TAFA1: variants seen among roughly 807,000 people sequenced by gnomAD.
TAFA1 encodes chemokine-like protein TAFA-1.
Under a neutral mutation model 18.5 loss-of-function variants are expected in TAFA1, and 4 were observed. The ratio of observed to expected loss-of-function variants is 0.22; its 90% CI spans 0.11 to 0.49. TAFA1 has a LOEUF of 0.49. TAFA1 is among the 20% of genes least tolerant of loss of function. The pLI is 0.98. For missense variants in TAFA1, 147 were observed against 169.0 expected, an observed-to-expected ratio of 0.87 and a Z score of 0.72; for synonymous variants, 56 against 55.2, an observed-to-expected ratio of 1.01 and a Z score of -0.06.
intron 2 of TAFA1, among the ~76,000 whole-genome samples, chr3:68,402,910 G>A (rs751245764): frequency 7.9e-5 from 12 of 152,138 alleles, no homozygotes; most frequent in Non-Finnish European, 1.5e-4. Context: ...TACTGTTAAG[G>A]GTGGGAGGCA....
chr3:68,166,497 A>T (rs930705371), intron 2 of TAFA1, among the ~76,000 whole-genome samples: 1 of 152,056 alleles, frequency 6.6e-6, no homozygotes, highest in Non-Finnish European at 1.5e-5. Flanking sequence ...CCATTTTGAC[A>T]CCCCTAGAAA....
At chr3:68,245,570 T>C (rs956157120) in intron 2 of TAFA1, among the ~76,000 whole-genome samples, 1 of 152,212 alleles carries the variant, frequency 6.6e-6, no homozygotes. Context: ...CATATGTTCC[T>C]TGGAAGGGGA....
chr3:68,211,263 C>A (rs1457366657), intron 2 of TAFA1, among the ~76,000 whole-genome samples: 1 of 152,034 alleles, frequency 6.6e-6, no homozygotes, highest in Non-Finnish European at 1.5e-5. Flanking sequence ...TGGTGCCCAT[C>A]TTGGAGGCTC....
chr3:68,114,882 G>C (rs2065307218), intron 2 of TAFA1, among the ~76,000 whole-genome samples: 2 of 152,126 alleles, frequency 1.3e-5, no homozygotes, highest in African/African-American at 4.8e-5. Context: ...AAAAATTACA[G>C]TTAATTTTTC....
intron 3 of TAFA1, among the ~76,000 whole-genome samples, chr3:68,506,968 G>A (rs1269631977): frequency 1.3e-5 from 2 of 152,220 alleles, no homozygotes; most frequent in East Asian, 3.9e-4. Flanking sequence ...CGCAAAGCCT[G>A]TGATGCAGGA....
chr3:68,394,172 G>C (rs1051710832), intron 2 of TAFA1, among the ~76,000 whole-genome samples: 3 of 152,100 alleles, frequency 2.0e-5, no homozygotes, highest in African/African-American at 7.2e-5. Context: ...GACAAACAGA[G>C]CCAAATCATG....
At chr3:68,165,057 T>C (rs2065967984) in intron 2 of TAFA1, among the ~76,000 whole-genome samples, 1 of 152,176 alleles carries the variant, frequency 6.6e-6, no homozygotes, top group Non-Finnish European at 1.5e-5. Context: ...TTAAGAAGGA[T>C]AAAGTTCAGG....
chr3:68,006,739 G>C lies in TAFA1; in HGVS notation c.113G>C (p.Arg38Thr). The C allele has an allele frequency of 6.2e-7, 1 of 1,612,094 alleles. No homozygotes were observed. Among genetic ancestry groups the C allele is most frequent in the Non-Finnish European group, 8.5e-7 (1 of 1,178,098 alleles). The stretch of plus-strand genomic sequence containing the variant: ...ACTTTCCAGCAGCATCACCTGCACA[G>C]ACCAGGTAAGTCAGGAGCTGGCTCC... ...QHTFQQHHLH[R>T]PEGGTCEVIA... Residue 38 changes from arginine to threonine, a missense_variant, in exon 2 of 5, where the codon AGA (arginine) becomes ACA (threonine). Coordinates refer to ENST00000478136, the MANE Select transcript of TAFA1 (RefSeq NM_213609.4).
intron 2 of TAFA1, among the ~76,000 whole-genome samples, chr3:68,213,561 G>C (rs1281525682): frequency 6.6e-6 from 1 of 152,080 alleles, no homozygotes; most frequent in Non-Finnish European, 1.5e-5. Context: ...TGTGGAGTCA[G>C]GGGGTAGGGC....
intron 2 of TAFA1, among the ~76,000 whole-genome samples, chr3:68,012,960 T>G (rs1465621877): frequency 6.6e-6 from 1 of 152,200 alleles, no homozygotes; most frequent in African/African-American, 2.4e-5. Flanking sequence ...TGTAAGTATA[T>G]GAAAGTTCTG....
intron 2 of TAFA1, among the ~76,000 whole-genome samples, chr3:68,130,696 A>G (rs1429970301): frequency 1.3e-5 from 2 of 151,946 alleles, no homozygotes; most frequent in African/African-American, 4.8e-5. Flanking sequence ...GCTACATTCC[A>G]GTTACATTTC....
At chr3:68,465,440 C>A (rs2071870333) in intron 3 of TAFA1, among the ~76,000 whole-genome samples, 1 of 152,110 alleles carries the variant, frequency 6.6e-6, no homozygotes, top group Admixed American at 6.6e-5. Context: ...TACTTGCAGC[C>A]AAATGCATTC....
intron 3 of TAFA1, among the ~76,000 whole-genome samples, chr3:68,480,430 T>C (rs1284618095): frequency 1.3e-5 from 2 of 151,582 alleles, no homozygotes; most frequent in East Asian, 1.9e-4. Flanking sequence ...GAAAAAGAAA[T>C]GTAAATTCTT....
chr3:68,112,026 A>C (rs1457768105), intron 2 of TAFA1, among the ~76,000 whole-genome samples: 3 of 152,194 alleles, frequency 2.0e-5, no homozygotes, highest in Admixed American at 6.5e-5. Flanking sequence ...GTAGAAGTTC[A>C]AGCACTTCTG....
At chr3:68,077,876 A>T (rs556559269) in intron 2 of TAFA1, among the ~76,000 whole-genome samples, 1 of 151,972 alleles carries the variant, frequency 6.6e-6, no homozygotes, top group South Asian at 2.1e-4. Flanking sequence ...TGGGGATGGC[A>T]TTGAATCTGT....
intron 2 of TAFA1, among the ~76,000 whole-genome samples, chr3:68,277,410 G>A (rs2067817346): frequency 6.6e-6 from 1 of 152,012 alleles, no homozygotes; most frequent in Non-Finnish European, 1.5e-5. Flanking sequence ...TCTAAGCATG[G>A]AACCATTGGT....
the TAFA1 span, among the ~76,000 whole-genome samples, chr3:67,997,892 T>C: frequency 1.3e-5 from 2 of 152,042 alleles, no homozygotes; most frequent in Admixed American, 1.3e-4. Context: ...AAGTTGAATA[T>C]TTCAAGAAAC....
chr3:68,352,086 A>G (rs2069281127), intron 2 of TAFA1, among the ~76,000 whole-genome samples: 1 of 152,006 alleles, frequency 6.6e-6, no homozygotes. Flanking sequence ...GATTCCAGGA[A>G]AGTAAGGGTC....
intron 2 of TAFA1, among the ~76,000 whole-genome samples, chr3:68,264,642 C>G (rs373051752): frequency 7.4e-5 from 10 of 134,712 alleles, no homozygotes; most frequent in African/African-American, 2.4e-4. Flanking sequence ...CTAGCATTAC[C>G]TATTTTGAGC....
Sources: allele counts gnomAD v4.1 joint callset (sites outside exome capture counted in the v4.1 genomes callset), GRCh38; gene constraint gnomAD v4.1.1; transcripts MANE v1.5; gene names NCBI Gene and HGNC (gene_info 2026-07-23, HGNC 2026-07-21).